C4orf50: variants seen among roughly 807,000 people sequenced by gnomAD.
C4orf50 encodes uncharacterized protein C4orf50.
In C4orf50, 80 loss-of-function variants were observed where a neutral mutation model predicts 77.2. That is an observed-to-expected ratio of 1.04 (90% CI 0.87 to 1.25). The LOEUF (loss-of-function observed/expected upper bound fraction) is 1.25, where lower values mean the gene tolerates loss of function less well. Ranked by LOEUF, C4orf50 falls within the 50% of genes most tolerant of loss-of-function variation. C4orf50 has a pLI of 0.00. For synonymous variants in C4orf50, 532 were observed against 465.3 expected (o/e 1.14, Z -1.84); for missense variants, 1,257 against 1,152.9 (o/e 1.09, Z -1.31).
intron 28 of C4orf50, 41 bp from the exon 7 acceptor site, chr4:5,980,379 CT>C: frequency 1.9e-6 from 3 of 1,583,614 alleles, no homozygotes; most frequent in Non-Finnish European, 2.6e-6. Context: ...TTAGGTTATC[CT>C]TCAAGCAATT....
At chr4:5,987,135 G>T (rs376656181) in intron 28 of C4orf50, among the ~76,000 whole-genome samples, 1 of 152,042 alleles carries the variant, frequency 6.6e-6, no homozygotes, top group Non-Finnish European at 1.5e-5. Context: ...ATAAGGCCTC[G>T]TACGGTGGCG....
intron 7 of C4orf50, among the ~76,000 whole-genome samples, chr4:5,912,562 G>C (rs1443659444): frequency 6.6e-6 from 1 of 152,114 alleles, no homozygotes; most frequent in Non-Finnish European, 1.5e-5. Context: ...GTTCTAAAAT[G>C]CACCCAGTAT....
At chr4:5,927,866 A>G (rs75637951) in intron 7 of C4orf50, among the ~76,000 whole-genome samples, 11,336 of 152,196 alleles carry the variant, frequency 0.074, 865 homozygotes, top group African/African-American at 0.2. Flanking sequence ...GGCCTCCTCC[A>G]GGAAACCTTC....
Position 5,989,141 on chromosome 4 carries a change from C to CCTCT in C4orf50, c.2901_2904dup (p.Val969ArgfsTer12), listed in dbSNP as rs143859826. 2.8e-6 allele frequency: 4 copies of CCTCT among 1,408,380 alleles called. No homozygotes were observed. The highest frequency in any genetic ancestry group is 3.8e-6 in the Non-Finnish European group (4 of 1,046,020). The allele number at this position is 1,408,380 out of a possible 1,614,324, so 87.2% of individuals were successfully genotyped here. A position where few individuals can be genotyped will look rare whatever the true frequency, so the allele number is the denominator to read the frequency against. ...CGCTCGAGCCTGGATATTTTTGTCA[C>CCTCT]CTCTCTCTCTCTCTCTCTTTCAAGG... On this transcript the variant is annotated frameshift_variant, in exon 28 of 34. Coordinates refer to ENST00000531445, the Ensembl canonical transcript of C4orf50. LOFTEE classifies it high-confidence loss of function.
chr4:5,914,031 A>T (rs577931422), intron 7 of C4orf50, among the ~76,000 whole-genome samples: 50 of 152,320 alleles, frequency 3.3e-4, no homozygotes, highest in Middle Eastern at 6.8e-3. Context: ...AATCATGAGA[A>T]GTAAAGTTTA....
Position 5,935,784 on chromosome 4 carries a change from T to TTA in C4orf50, c.*2474+21116_*2474+21117insTA, listed in dbSNP as rs1717982780. 1.6e-4 allele frequency among the ~76,000 whole-genome samples: 5 copies of TTA among 31,478 alleles called. No individual in the cohort carries two copies. The East Asian group carries it at 3.3e-3, about 21-fold the overall frequency. The allele number at this position is 31,478 out of a possible 152,430, so 20.7% of individuals were successfully genotyped here. ...CTGGGCGACAGAGGGAGACTCCGTC[T>TTA]AAAAAAAAAAAAAAAAAAAAAAAAA... On this transcript the variant is annotated intron_variant, in intron 7 of 7. Coordinates refer to the C4orf50 transcript ENST00000324058.
At chr4:5,952,533 C>T (rs990094716), downstream of C4orf50, among the ~76,000 whole-genome samples, 3 of 152,184 alleles carry the variant, frequency 2.0e-5, no homozygotes, top group Non-Finnish European at 4.4e-5. The surrounding 1 kb of genome is among the most constrained non-coding windows in gnomAD (Gnocchi z 4.4). Context: ...GGGACCACCG[C>T]TCCCCACCTG....
downstream of C4orf50, among the ~76,000 whole-genome samples, chr4:5,955,589 C>G (rs80275151): frequency 1.3e-5 from 2 of 152,158 alleles, no homozygotes; most frequent in African/African-American, 2.4e-5. The surrounding 1 kb of genome is among the most constrained non-coding windows in gnomAD (Gnocchi z 5.1). Context: ...GGGATAGGAA[C>G]GCAGGACCAT....
intron 7 of C4orf50, among the ~76,000 whole-genome samples, chr4:5,938,785 T>C (rs1480205404): frequency 6.6e-6 from 1 of 151,642 alleles, no homozygotes; most frequent in African/African-American, 2.4e-5. Flanking sequence ...ATGTCAGTTT[T>C]TTTTCTTTTC....
At chr4:5,979,519 T>C (rs191492139) in intron 29 of C4orf50, among the ~76,000 whole-genome samples, 62 of 152,344 alleles carry the variant, frequency 4.1e-4, no homozygotes, top group African/African-American at 1.3e-3. Flanking sequence ...TGAAAAAATA[T>C]TGGAAGTCAG....
At chr4:5,962,008 T>C (rs1018812646) in intron 33 of C4orf50, among the ~76,000 whole-genome samples, 7 of 152,248 alleles carry the variant, frequency 4.6e-5, no homozygotes, top group Non-Finnish European at 1.0e-4. Context: ...CATGGCTTGC[T>C]GTCTGTTTTT....
chr4:5,938,003 C>T (rs542502225), intron 7 of C4orf50, among the ~76,000 whole-genome samples: 3 of 152,210 alleles, frequency 2.0e-5, no homozygotes, highest in Admixed American at 1.3e-4. Context: ...CAGAACTTGA[C>T]AGATCAAGCA....
intron 33 of C4orf50, 125 bp downstream of exon 11, chr4:5,964,899 C>G (rs1183669369): frequency 3.7e-4 from 268 of 726,656 alleles, no homozygotes; most frequent in East Asian, 1.3e-3. Flanking sequence ...CGATTGTGTT[C>G]TATTTCTTGA....
rs1018449021 is a variant in C4orf50, at chr4:5,905,687, A to C, written c.*2475-7499T>G. On this transcript the variant is annotated intron_variant, in intron 7 of 7. Coordinates refer to the C4orf50 transcript ENST00000324058. This position sits in a 1 kb window ranked among gnomAD's most constrained non-coding sequence, Gnocchi z 5.4. ...GCTCTCTTTATTTGGGGTGCTTCAG[A>C]CCCTTGACATGATATGGAAATTTTA... Among the ~76,000 whole-genome samples, 1 of 152,184 alleles carries C rather than the reference A, an allele frequency of 6.6e-6. No individual in the cohort carries two copies. Among genetic ancestry groups the C allele is most frequent in the Non-Finnish European group, 1.5e-5 (1 of 68,038 alleles).
At chr4:5,912,455 T>C (rs1009902345) in intron 7 of C4orf50, among the ~76,000 whole-genome samples, 2 of 152,068 alleles carry the variant, frequency 1.3e-5, no homozygotes, top group African/African-American at 2.4e-5. Flanking sequence ...CTGGGATGAG[T>C]GTACAAAGCA....
intron 25 of C4orf50, among the ~76,000 whole-genome samples, chr4:6,004,285 GTTGGTGA>G (rs1722100158): frequency 1.3e-5 from 1 of 77,432 alleles, no homozygotes; most frequent in Non-Finnish European, 2.6e-5. Flanking sequence ...TGATGGTGAT[GTTGGTGA>G]TGATGGTGAT....
intron 7 of C4orf50, among the ~76,000 whole-genome samples, chr4:5,917,913 C>T (rs528535951): frequency 3.3e-5 from 5 of 152,000 alleles, no homozygotes; most frequent in Non-Finnish European, 5.9e-5. Context: ...CGAGAGGTGG[C>T]GTGCAATTGG....
At position 6,015,081 on chromosome 4, in the gene C4orf50, C is replaced by T. The variant is rs896333232; in HGVS notation, c.287+3064G>A. On this transcript the variant is annotated intron_variant, in intron 23 of 33. Transcript: ENST00000531445. The surrounding 1 kb of genome is among the most constrained non-coding windows in gnomAD (Gnocchi z 4.4). ...GAATGTACAACCCTGTATGGGCCTA[C>T]GCTGCTAGTCTCTCAGCCCAGGGCC... 2.6e-5 allele frequency among the ~76,000 whole-genome samples: 4 copies of T among 152,198 alleles called. No individual in the cohort carries two copies. The highest frequency in any genetic ancestry group is 1.9e-4 in the East Asian group (1 of 5,194).
At chr4:6,004,131 A>G (rs1184774307) in intron 25 of C4orf50, among the ~76,000 whole-genome samples, 30 of 15,244 alleles carry the variant, frequency 2.0e-3, no homozygotes, top group African/African-American at 5.1e-3. Flanking sequence ...GATAGTGATG[A>G]TGGTGATGGT....
Sources: gnomAD v4.1 joint callset for allele counts (sites outside exome capture counted in the v4.1 genomes callset) on GRCh38, gnomAD v4.1.1 for gene constraint, Gnocchi (gnomAD v3.1) non-coding constraint, MANE v1.5 for transcripts, NCBI Gene and HGNC (gene_info 2026-07-23, HGNC 2026-07-21) for gene names.